Variants in NFIL3 observed in about 807,000 individuals in gnomAD.
NFIL3 encodes nuclear factor interleukin-3-regulated protein.
In NFIL3, 5 loss-of-function variants were observed where a neutral mutation model predicts 10.0. The ratio of observed to expected loss-of-function variants is 0.50; its 90% confidence interval spans 0.26 to 1.06. The LOEUF is 1.06. Ranked by LOEUF, NFIL3 falls within the 50% of genes least tolerant of loss-of-function variation. NFIL3 has a pLI of 0.13. For missense variants in NFIL3, 436 were observed against 547.6 expected (o/e 0.80, Z 2.03); for synonymous variants, 202 against 206.5 (o/e 0.98, Z 0.19).
At chr9:91,417,945 CA>C (rs1421899982) in intron 1 of NFIL3, among the ~76,000 whole-genome samples, 1 of 152,162 alleles carries the variant, frequency 6.6e-6, no homozygotes, top group Non-Finnish European at 1.5e-5. Context: ...GAAAATATTT[CA>C]AGTTCGACAA....
At chr9:91,439,532 T>G in the NFIL3 span, among the ~76,000 whole-genome samples, 1 of 152,158 alleles carries the variant, frequency 6.6e-6, no homozygotes, top group Non-Finnish European at 1.5e-5. Context: ...TTGCTCTTGC[T>G]AACTTCCAGT....
chr9:91,473,548 G>T, the NFIL3 span, among the ~76,000 whole-genome samples: 2 of 152,260 alleles, frequency 1.3e-5, no homozygotes, highest in Admixed American at 1.3e-4. Flanking sequence ...TGTGCCATTT[G>T]CTAAGACAGT....
the NFIL3 span, among the ~76,000 whole-genome samples, chr9:91,444,882 C>A: frequency 6.6e-6 from 1 of 152,190 alleles, no homozygotes; most frequent in Non-Finnish European, 1.5e-5. Flanking sequence ...TCGTTTCAAG[C>A]CTGACATGGC....
At chr9:91,466,290 C>A in the NFIL3 span, among the ~76,000 whole-genome samples, 1 of 152,134 alleles carries the variant, frequency 6.6e-6, no homozygotes, top group East Asian at 1.9e-4. Context: ...CAACACAGAC[C>A]CTTCTGAATG....
the NFIL3 span, among the ~76,000 whole-genome samples, chr9:91,462,776 A>G: frequency 8.1e-6 from 1 of 122,888 alleles, no homozygotes; most frequent in Non-Finnish European, 1.6e-5. Flanking sequence ...TTTTCTTTAA[A>G]TGTTTGATAG....
chr9:91,474,600 G>A, the NFIL3 span, among the ~76,000 whole-genome samples: 1 of 152,180 alleles, frequency 6.6e-6, no homozygotes, highest in Non-Finnish European at 1.5e-5. Context: ...GAGGGCAGGA[G>A]TGATGGCTTC....
chr9:91,418,751 C>T (rs532833907), intron 1 of NFIL3, among the ~76,000 whole-genome samples: 35 of 152,194 alleles, frequency 2.3e-4, no homozygotes, highest in African/African-American at 8.4e-4. Flanking sequence ...CCTCAAAGCA[C>T]AGATTAATAA....
the NFIL3 span, among the ~76,000 whole-genome samples, chr9:91,482,054 G>A: frequency 5.8e-3 from 888 of 152,286 alleles, 10 homozygotes; most frequent in Non-Finnish European, 6.6e-3. Context: ...TACTTTGCCC[G>A]TGGGAACAGG....
At chr9:91,417,661 T>G (rs1587965697) in intron 1 of NFIL3, among the ~76,000 whole-genome samples, 1 of 152,196 alleles carries the variant, frequency 6.6e-6, no homozygotes, top group Admixed American at 6.5e-5. Context: ...GCAAGAGAAT[T>G]TTCTAATCCC....
At chr9:91,448,094 T>C in the NFIL3 span, among the ~76,000 whole-genome samples, 5 of 152,200 alleles carry the variant, frequency 3.3e-5, no homozygotes, top group Admixed American at 2.0e-4. Context: ...CCACATTACA[T>C]AGACTTTGCA....
At chr9:91,424,335 G>C (rs942889623), upstream of NFIL3, among the ~76,000 whole-genome samples, 29 of 152,192 alleles carry the variant, frequency 1.9e-4, no homozygotes, top group Non-Finnish European at 3.2e-4. Flanking sequence ...TGAGCACTGC[G>C]GGTTGCGGCT....
the NFIL3 span, among the ~76,000 whole-genome samples, chr9:91,480,514 C>T: frequency 6.6e-6 from 1 of 152,068 alleles, no homozygotes; most frequent in Non-Finnish European, 1.5e-5. Flanking sequence ...TCCTACCTCA[C>T]AACATGCAGA....
the NFIL3 span, among the ~76,000 whole-genome samples, chr9:91,454,652 T>C: frequency 6.7e-3 from 1,015 of 152,180 alleles, 5 homozygotes; most frequent in Non-Finnish European, 0.01. Flanking sequence ...GCCAACATGG[T>C]GAAACCCCGT....
At chr9:91,456,235 G>A in the NFIL3 span, among the ~76,000 whole-genome samples, 5 of 152,082 alleles carry the variant, frequency 3.3e-5, no homozygotes, top group South Asian at 4.1e-4. Context: ...ATGTGTTTGC[G>A]TGTCTTAGGA....
chr9:91,476,014 G>A, the NFIL3 span, among the ~76,000 whole-genome samples: 1 of 152,180 alleles, frequency 6.6e-6, no homozygotes, highest in Non-Finnish European at 1.5e-5. Flanking sequence ...TATTGGCTAA[G>A]TGAATGAATG....
At chr9:91,438,624 G>A in the NFIL3 span, among the ~76,000 whole-genome samples, 1 of 152,122 alleles carries the variant, frequency 6.6e-6, no homozygotes, top group South Asian at 2.1e-4. Context: ...GTGTCTTCTA[G>A]GAGTTCTATA....
the NFIL3 span, among the ~76,000 whole-genome samples, chr9:91,438,290 T>C: frequency 6.6e-6 from 1 of 152,208 alleles, no homozygotes; most frequent in Non-Finnish European, 1.5e-5. Flanking sequence ...ACAAATTTGT[T>C]GGCCGTTTTT....
At chr9:91,415,479 T>G (rs1321893157) in intron 1 of NFIL3, among the ~76,000 whole-genome samples, 3 of 152,160 alleles carry the variant, frequency 2.0e-5, no homozygotes, top group Non-Finnish European at 4.4e-5. Context: ...CTCCTACACT[T>G]TCACAGGTGG....
At chr9:91,419,921 A>G (rs1833727204) in intron 1 of NFIL3, among the ~76,000 whole-genome samples, 1 of 152,196 alleles carries the variant, frequency 6.6e-6, no homozygotes, top group African/African-American at 2.4e-5. Flanking sequence ...CAGGCTACAT[A>G]TACCCCCTAC....
Sources: allele counts gnomAD v4.1 joint callset (sites outside exome capture counted in the v4.1 genomes callset), GRCh38; gene constraint gnomAD v4.1.1; transcripts MANE v1.5; gene names NCBI Gene and HGNC (gene_info 2026-07-23, HGNC 2026-07-21).